Variants in GRM4 observed in about 807,000 individuals in gnomAD.
The protein encoded by GRM4 is metabotropic glutamate receptor 4.
A neutral mutation model predicts 81.7 loss-of-function variants in GRM4; 28 were observed. The observed-to-expected ratio is 0.34, with a 90% CI of 0.25 to 0.47. The LOEUF (loss-of-function observed/expected upper bound fraction) is 0.47. Ranked by LOEUF, GRM4 falls within the 20% of genes least tolerant of loss-of-function variation. The pLI is 1.00. For missense variants in GRM4, 948 were observed against 1,290.0 expected (o/e 0.73, Z 4.06); for synonymous variants, 488 against 528.8 (o/e 0.92, Z 1.06).
At chr6:34,041,610 G>A (rs1325991876) in intron 6 of GRM4, among the ~76,000 whole-genome samples, 1 of 152,176 alleles carries the variant, frequency 6.6e-6, no homozygotes, top group Non-Finnish European at 1.5e-5. Context: ...ACCTCACAGA[G>A]CTGCCATGAG....
At chr6:34,087,367 T>C (rs1245591687) in intron 3 of GRM4, among the ~76,000 whole-genome samples, 1 of 147,042 alleles carries the variant, frequency 6.8e-6, no homozygotes, top group Non-Finnish European at 1.5e-5. Context: ...TGCAGTGAGC[T>C]GAGATCACGC....
chr6:34,093,943 A>T (rs1768378479), intron 2 of GRM4, among the ~76,000 whole-genome samples: 1 of 152,234 alleles, frequency 6.6e-6, no homozygotes, highest in Admixed American at 6.5e-5. Context: ...ATAAAATGGC[A>T]TGTACTACAT....
chr6:34,147,259 AG>A (rs754795853), upstream of GRM4, among the ~76,000 whole-genome samples: 18 of 152,192 alleles, frequency 1.2e-4, no homozygotes, highest in Non-Finnish European at 2.1e-4. Flanking sequence ...TCCCAGCTCT[AG>A]GTGTAAACAC....
rs945068712 is a variant in GRM4, at chr6:34,111,946, A to ATT, written c.520-19848_520-19847insAA. Among the ~76,000 whole-genome samples the ATT allele has an allele frequency of 3.9e-5, 6 of 152,180 alleles. No homozygotes were observed. The highest frequency in any genetic ancestry group is 1.4e-4 in the African/African-American group (6 of 41,432). ...GATCTTATTGAGGTTTCTCAATAAG[A>ATT]AAAGGAGACTTGCCTGGAGATTCTG... On this transcript the variant is annotated intron_variant, in intron 2 of 10. Coordinates refer to ENST00000538487, the MANE Select transcript of GRM4 (RefSeq NM_000841.4). The surrounding 1 kb of genome is among the most constrained non-coding windows in gnomAD (Gnocchi z 5.1).
At chr6:34,044,859 C>CACACATACATACACATATAT (rs1562022155) in intron 6 of GRM4, among the ~76,000 whole-genome samples, 2 of 136,928 alleles carry the variant, frequency 1.5e-5, no homozygotes. Context: ...TAGACACACA[C>CACACATACATACACATATAT]ACAGACATAC....
At position 34,114,612 on chromosome 6, in the gene GRM4, T is replaced by A. The variant is rs1769514159; in HGVS notation, c.519+18366A>T. Reference sequence around the variant, plus strand: ...CTGCCCAACCCTCCTGCATGCCACATCCCTGTCACAGACAAGCCCAAGGTC... The same window carrying A: ...CTGCCCAACCCTCCTGCATGCCACAACCCTGTCACAGACAAGCCCAAGGTC... On this transcript the variant is annotated intron_variant, in intron 2 of 10. Coordinates refer to ENST00000538487, the MANE Select transcript of GRM4 (RefSeq NM_000841.4). The surrounding 1 kb of genome is among the most constrained non-coding windows in gnomAD (Gnocchi z 4.3). Among the ~76,000 whole-genome samples the A allele has an allele frequency of 6.6e-6, 1 of 151,788 alleles. No individual in the cohort carries two copies. The highest frequency in any genetic ancestry group is 2.4e-5 in the African/African-American group (1 of 41,300).
At chr6:34,104,921 C>T (rs78768955) in intron 2 of GRM4, among the ~76,000 whole-genome samples, 1 of 152,072 alleles carries the variant, frequency 6.6e-6, no homozygotes, top group African/African-American at 2.4e-5. Flanking sequence ...GAGGCAGGGG[C>T]GGGGCTGGGA....
chr6:34,150,135 AAG>A (rs1771016192), upstream of GRM4, among the ~76,000 whole-genome samples: 1 of 152,172 alleles, frequency 6.6e-6, no homozygotes, highest in Non-Finnish European at 1.5e-5. Flanking sequence ...CATTTGGACT[AAG>A]GGCTTTCCCA....
chr6:34,022,498 A>G lies in GRM4; in HGVS notation c.*323T>C. ...CAGAGGGGTCGCCAACAGCACAGAC[A>G]GAGACGAAGGGAGGGAGAGATCTAG... On this transcript the variant is annotated 3_prime_UTR_variant, in exon 11 of 11. Coordinates refer to ENST00000538487, the MANE Select transcript of GRM4 (RefSeq NM_000841.4). The surrounding 1 kb of genome is among the most constrained non-coding windows in gnomAD (Gnocchi z 5.6). 1 of 398,284 alleles carries G rather than the reference A, an allele frequency of 2.5e-6. No individual in the cohort carries two copies. The highest frequency in any genetic ancestry group is 4.6e-6 in the Non-Finnish European group (1 of 217,232). 24.7% of individuals were successfully genotyped at this position (398,284 alleles called of 1,614,324 possible). A position where few individuals can be genotyped will look rare whatever the true frequency, so the allele number is the denominator to read the frequency against.
intron 1 of GRM4, among the ~76,000 whole-genome samples, chr6:34,151,694 C>A (rs1771049676): frequency 6.7e-6 from 1 of 150,314 alleles, no homozygotes; most frequent in Non-Finnish European, 1.5e-5. Flanking sequence ...ACCTGGAGCG[C>A]TGCCCACCCC....
Position 34,040,232 on chromosome 6 carries a change from G to A in GRM4, c.1452C>T (p.Asn484=), listed in dbSNP as rs1424845172. 13 of 1,613,946 alleles carry A rather than the reference G, an allele frequency of 8.1e-6. No individual in the cohort carries two copies. Among genetic ancestry groups the A allele is most frequent in the African/African-American group, 2.7e-5 (2 of 74,944 alleles). ...RYDIYQYQLR[N]DSAEYKVIGS... ...CAATGACCTTGTACTCGGCAGAATC[G>A]TTGCGCAGCTGGTATTGGTAGATGT... Residue 484 remains asparagine, a synonymous_variant, in exon 8 of 11, where the codon AAC becomes AAT. Coordinates refer to ENST00000538487, the MANE Select transcript of GRM4 (RefSeq NM_000841.4).
rs572774881 is a variant in GRM4 at position 34,036,781 on chromosome 6, G to T, written c.1507-178C>A. 2.3e-4 allele frequency among the ~76,000 whole-genome samples: 35 copies of T among 152,260 alleles called. 2 individuals are homozygous for T. In the East Asian group the frequency reaches 4.2e-3, roughly 18 times the overall value. On this transcript the variant is annotated intron_variant, in intron 8 of 10. Transcript: ENST00000538487. The surrounding 1 kb of genome is among the most constrained non-coding windows in gnomAD (Gnocchi z 9.0). Reference sequence around the variant, plus strand: ...GAATCTAACAGCTGGAGTTAAAAAAGGTCTCCGGCATAACTCAGACATAAT... The same window carrying T: ...GAATCTAACAGCTGGAGTTAAAAAATGTCTCCGGCATAACTCAGACATAAT...
Position 34,067,790 on chromosome 6 carries a change from G to A in GRM4, c.737-5762C>T, listed in dbSNP as rs143087171. Among the ~76,000 whole-genome samples the A allele has an allele frequency of 3.0e-4, 45 of 151,804 alleles. No homozygotes were observed. The East Asian group carries it at 4.2e-3, about 14-fold the overall frequency. On this transcript the variant is annotated intron_variant, in intron 3 of 10. Coordinates refer to ENST00000538487, the MANE Select transcript of GRM4 (RefSeq NM_000841.4). ...CAGAAGCACAAGGAGACAGTGCTCC[G>A]GGTCAGCCTGAGCATGCAGGTGGCA...
intron 3 of GRM4, among the ~76,000 whole-genome samples, chr6:34,084,533 C>A (rs547703220): frequency 1.2e-3 from 189 of 152,232 alleles, no homozygotes; most frequent in African/African-American, 4.4e-3. Flanking sequence ...TGGCTCTGAG[C>A]CTCAATGGCA....
At chr6:34,056,789 A>C (rs1410898336) in intron 5 of GRM4, 105 bp from the exon 6 acceptor site, 1 of 1,269,952 alleles carries the variant, frequency 7.9e-7, no homozygotes, top group African/African-American at 1.5e-5. Context: ...GGAGGGAGAG[A>C]GACCAGGAGG....
chr6:34,116,896 A>G (rs1168048688), intron 2 of GRM4, among the ~76,000 whole-genome samples: 8 of 152,190 alleles, frequency 5.3e-5, no homozygotes, highest in African/African-American at 1.9e-4. Context: ...AGACAATGTG[A>G]GCAAAAGAAG....
intron 6 of GRM4, among the ~76,000 whole-genome samples, chr6:34,041,344 T>C (rs1292955020): frequency 6.6e-6 from 1 of 152,160 alleles, no homozygotes; most frequent in African/African-American, 2.4e-5. Flanking sequence ...GAAGTCACCA[T>C]TGCCCCATCC....
intron 2 of GRM4, chr6:34,102,293 C>G: frequency 1.4e-6 from 1 of 698,606 alleles, no homozygotes; most frequent in South Asian, 1.9e-5. Context: ...CAGAATTACA[C>G]TTGGCATTTT....
intron 3 of GRM4, among the ~76,000 whole-genome samples, chr6:34,073,335 TCACACTTCACCAG>T (rs1767122101): frequency 2.2e-5 from 1 of 45,556 alleles, no homozygotes; most frequent in Non-Finnish European, 4.6e-5. Context: ...ACACACACAC[TCACACTTCACCAG>T]ATTCACACCC....
Sources: gnomAD v4.1 joint callset for allele counts (sites outside exome capture counted in the v4.1 genomes callset) on GRCh38, gnomAD v4.1.1 for gene constraint, Gnocchi (gnomAD v3.1) non-coding constraint, MANE v1.5 for transcripts, NCBI Gene and HGNC (gene_info 2026-07-23, HGNC 2026-07-21) for gene names.